Variants in MTREX observed in about 807,000 individuals in gnomAD.
MTREX encodes exosome RNA helicase MTR4.
MTREX carries 76 observed loss-of-function variants against 135.4 expected under a neutral mutation model. That is an observed-to-expected ratio of 0.56 (90% CI 0.47 to 0.68). The LOEUF (loss-of-function observed/expected upper bound fraction) is 0.68. Ranked by LOEUF, MTREX falls within the 30% of genes least tolerant of loss-of-function variation. The pLI, the probability that MTREX is intolerant of heterozygous loss-of-function variation, is 0.00. For synonymous variants in MTREX, 404 were observed against 401.6 expected (o/e 1.01, Z -0.07); for missense variants, 920 against 1,262.1 (o/e 0.73, Z 4.11).
At chr5:55,374,047 C>T (rs1478328657) in intron 16 of MTREX, among the ~76,000 whole-genome samples, 2 of 152,066 alleles carry the variant, frequency 1.3e-5, no homozygotes, top group East Asian at 3.9e-4. Context: ...CACTTGAGGC[C>T]AGGAGTTCAA....
chr5:55,344,589 G>C lies in MTREX; in HGVS notation c.974G>C (p.Gly325Ala). ...PLQHYIFPAG[G>A]DGLHLVVDEN... ...CAACACTACATTTTTCCAGCAGGGG[G>C]AGATGGCCTGCATCTTGTGGTTGAT... Residue 325 changes from glycine (G) to alanine (A), a missense_variant, in exon 9 of 27, where the codon GGA becomes GCA. By Grantham distance (60) the Gly-to-Ala change is moderately conservative (BLOSUM62 0). Coordinates refer to ENST00000230640, the MANE Select transcript of MTREX (RefSeq NM_015360.5). The C allele has an allele frequency of 1.2e-6, 2 of 1,608,910 alleles. No individual in the cohort carries two copies. The highest frequency in any genetic ancestry group is 1.7e-6 in the Non-Finnish European group (2 of 1,175,744).
At chr5:55,424,669 TTAGGTGTTTTGTGGTCTTGA>T (rs1268081006) in intron 26 of MTREX, 31 bp from the exon 27 acceptor site, 1 of 1,342,922 alleles carries the variant, frequency 7.4e-7, no homozygotes, top group Non-Finnish European at 1.1e-6. Flanking sequence ...TAGAGGCAAG[TTAGGTGTTTTGTGGTCTTGA>T]AAGTTTAAAC....
rs758900048 is a variant in MTREX, at chr5:55,425,278, CTCT to C, written c.*508_*510del. ...CATGCAGAGTTGTATGAGAGTCCTC[CTCT>C]TTTCTTTCTTTAAAAGAAGTTCTTT... On this transcript the variant is annotated 3_prime_UTR_variant, in exon 27 of 27. Coordinates refer to ENST00000230640, the MANE Select transcript of MTREX (RefSeq NM_015360.5). The C allele has an allele frequency of 8.7e-6, 14 of 1,611,924 alleles. No homozygotes were observed. The African/African-American group carries it at 1.6e-4, about 18-fold the overall frequency.
chr5:55,342,224 G>A (rs892151574), intron 7 of MTREX, among the ~76,000 whole-genome samples: 3 of 152,026 alleles, frequency 2.0e-5, no homozygotes, highest in Non-Finnish European at 2.9e-5. Flanking sequence ...TTTAAATAGT[G>A]GACAACATGA....
At chr5:55,409,528 A>G (rs1019771085) in intron 22 of MTREX, among the ~76,000 whole-genome samples, 6 of 152,222 alleles carry the variant, frequency 3.9e-5, no homozygotes, top group African/African-American at 1.4e-4. Context: ...CTTTGTAATA[A>G]TAAATATATT....
At chr5:55,414,969 C>A (rs2111620969) in intron 24 of MTREX, among the ~76,000 whole-genome samples, 1 of 152,140 alleles carries the variant, frequency 6.6e-6, no homozygotes, top group East Asian at 1.9e-4. Context: ...GTTTTAAAAT[C>A]TGTTTTATCA....
At chr5:55,406,742 A>T (rs889222867) in intron 22 of MTREX, among the ~76,000 whole-genome samples, 6 of 152,172 alleles carry the variant, frequency 3.9e-5, no homozygotes, top group African/African-American at 1.4e-4. Flanking sequence ...AAGGAACTGA[A>T]TTTTATAATT....
chr5:55,417,975 C>T (rs867462567), intron 25 of MTREX, among the ~76,000 whole-genome samples: 5 of 150,424 alleles, frequency 3.3e-5, no homozygotes, highest in Non-Finnish European at 5.9e-5. Flanking sequence ...TGGCTTACGC[C>T]GGTAATCCCA....
At chr5:55,374,237 A>G (rs564432964) in intron 16 of MTREX, among the ~76,000 whole-genome samples, 4 of 151,066 alleles carry the variant, frequency 2.6e-5, no homozygotes, top group Non-Finnish European at 5.9e-5. Flanking sequence ...AACCTGGGCA[A>G]CGGAGCAAGA....
intron 20 of MTREX, 105 bp from the exon 21 acceptor site, chr5:55,400,128 T>C (rs566334937): frequency 1.3e-6 from 1 of 768,848 alleles, no homozygotes; most frequent in African/African-American, 1.7e-5. Context: ...ATATGTAGTA[T>C]ACTTTTTATG....
Position 55,424,625 on chromosome 5 carries a change from A to AATC in MTREX, c.3077-93_3077-91dup, listed in dbSNP as rs1751119008. 3.8e-6 allele frequency: 3 copies of AATC among 799,034 alleles called. No individual in the cohort carries two copies. In the Admixed American group the frequency reaches 6.0e-5, roughly 16 times the overall value. The allele number at this position is 799,034 out of a possible 1,614,324, so 49.5% of individuals were successfully genotyped here. A position where few individuals can be genotyped will look rare whatever the true frequency, so the allele number is the denominator to read the frequency against. ...TTCTAGGCTGCTCGCTTACCAGTTG[A>AATC]ATCAGGGTTGGTATACTGGCTTTAA... On this transcript the variant is annotated intron_variant, in intron 26 of 26. Coordinates refer to ENST00000230640, the MANE Select transcript of MTREX (RefSeq NM_015360.5).
At chr5:55,309,756 A>T (rs1486041838) in intron 1 of MTREX, among the ~76,000 whole-genome samples, 2 of 152,170 alleles carry the variant, frequency 1.3e-5, no homozygotes, top group African/African-American at 4.8e-5. Context: ...TATCATTTGA[A>T]TTGGTCTCCT....
At chr5:55,355,918 A>G (rs544405501) in intron 14 of MTREX, among the ~76,000 whole-genome samples, 5 of 152,346 alleles carry the variant, frequency 3.3e-5, no homozygotes, top group African/African-American at 1.2e-4. Flanking sequence ...TCCTGAGGCT[A>G]TAGAACACTC....
Position 55,349,608 on chromosome 5 carries a change from A to G in MTREX, c.1276A>G (p.Asn426Asp). 6.2e-7 allele frequency: 1 copy of G among 1,605,208 alleles called. No individual in the cohort carries two copies. Among genetic ancestry groups the G allele is most frequent in the Non-Finnish European group, 8.5e-7 (1 of 1,172,266 alleles). ...GAAGATGGTTGAAGAAGTATTCAGTAATGCAATTGATTGCTTATCCGATGA... is the reference window on the plus strand; with the variant it reads ...GAAGATGGTTGAAGAAGTATTCAGTGATGCAATTGATTGCTTATCCGATGA... ...EKKMVEEVFS[N>D]AIDCLSDEDK... The change falls in exon 12 of 27, where the codon AAT (asparagine) becomes GAT (aspartate). Residue 426 changes from asparagine to aspartate, a missense_variant. Around this residue, in one of 6 missense-constraint regions of MTREX, gnomAD observed 101 missense variants for 119.1 expected, o/e 0.85. Coordinates refer to ENST00000230640, the MANE Select transcript of MTREX (RefSeq NM_015360.5).
chr5:55,424,387 C>T (rs1044388604), intron 26 of MTREX: 12 of 168,868 alleles, frequency 7.1e-5, no homozygotes, highest in South Asian at 5.3e-4. Flanking sequence ...TCAGGTGATC[C>T]GCTCGCCTTG....
intron 1 of MTREX, among the ~76,000 whole-genome samples, chr5:55,310,026 G>C (rs539639510): frequency 2.6e-5 from 4 of 152,260 alleles, no homozygotes; most frequent in African/African-American, 7.2e-5. Context: ...TAGAGTGTTT[G>C]AATGGGCAAC....
intron 14 of MTREX, chr5:55,357,502 G>A (rs1749939573): frequency 6.4e-6 from 1 of 155,876 alleles, no homozygotes; most frequent in Admixed American, 6.5e-5. Flanking sequence ...GCTAGGGAAG[G>A]ACCTTGCTTT....
intron 2 of MTREX, 43 bp downstream of exon 2, chr5:55,322,507 G>C (rs1174174868): frequency 6.8e-7 from 1 of 1,468,814 alleles, no homozygotes. Flanking sequence ...TCATAATTCA[G>C]GTGGTTACAT....
chr5:55,409,086 G>C (rs915953817), intron 22 of MTREX, among the ~76,000 whole-genome samples: 16 of 151,958 alleles, frequency 1.1e-4, no homozygotes, highest in Non-Finnish European at 2.4e-4. Flanking sequence ...TGAGTAGCTG[G>C]GACTACAGGC....
Sources: gnomAD v4.1 joint callset for allele counts (sites outside exome capture counted in the v4.1 genomes callset) on GRCh38, gnomAD v4.1.1 for gene constraint, gnomAD v4.1.1 regional missense constraint, MANE v1.5 for transcripts, NCBI Gene and HGNC (gene_info 2026-07-23, HGNC 2026-07-21) for gene names.